The following SMYD3 variants were observed in gnomAD, a reference collection of about 807,000 sequenced individuals.
The protein encoded by SMYD3 is histone-lysine N-methyltransferase SMYD3.
Under a neutral mutation model 57.7 loss-of-function variants are expected in SMYD3, and 36 were observed. That is an observed-to-expected ratio of 0.62 (90% confidence interval 0.48 to 0.82). SMYD3 has a LOEUF of 0.82. Among genes scored for constraint, SMYD3 ranks in the 40% least tolerant of loss-of-function variants. SMYD3 has a pLI of 0.00. For missense variants in SMYD3, 515 were observed against 538.8 expected, an observed-to-expected ratio of 0.96 and a Z score of 0.44; for synonymous variants, 211 against 195.0, an observed-to-expected ratio of 1.08 and a Z score of -0.68.
intron 5 of SMYD3, among the ~76,000 whole-genome samples, chr1:246,190,807 C>T (rs1040930907): frequency 1.3e-5 from 2 of 151,852 alleles, no homozygotes; most frequent in Non-Finnish European, 2.9e-5. Flanking sequence ...TTTTCCCTCC[C>T]GACTTCTATT....
rs911913429 is a variant in SMYD3, at chr1:246,480,790, A to G, written c.164+26264T>C. 3.9e-5 allele frequency among the ~76,000 whole-genome samples: 6 copies of G among 152,046 alleles called. No individual in the cohort carries two copies. In the South Asian group the frequency reaches 1.0e-3, roughly 26 times the overall value. ...AATTATCCAAGTTACCTTTTTTCAA[A>G]AGATCTTTTTTTTTTCTTTTTTGAG... On this transcript the variant is annotated intron_variant, in intron 1 of 11. Transcript: ENST00000490107.
At chr1:246,151,831 T>C (rs376347180) in intron 5 of SMYD3, among the ~76,000 whole-genome samples, 2 of 152,330 alleles carry the variant, frequency 1.3e-5, no homozygotes, top group Non-Finnish European at 2.9e-5. Flanking sequence ...CTAGGCCTGC[T>C]TTCCAGTGAC....
At chr1:246,081,302 C>A (rs1220131378) in intron 5 of SMYD3, among the ~76,000 whole-genome samples, 1 of 152,202 alleles carries the variant, frequency 6.6e-6, no homozygotes, top group Non-Finnish European at 1.5e-5. Flanking sequence ...ATAGAAGCTT[C>A]AAAAGGAGAC....
At chr1:245,954,597 GC>G (rs1344920839) in intron 5 of SMYD3, among the ~76,000 whole-genome samples, 2 of 152,112 alleles carry the variant, frequency 1.3e-5, no homozygotes, top group Admixed American at 6.5e-5. Context: ...GCTCGCTTGA[GC>G]CCCCAGGAAG....
chr1:246,230,345 GAAA>G, intron 5 of SMYD3, among the ~76,000 whole-genome samples: 1 of 97,022 alleles, frequency 1.0e-5, no homozygotes, highest in Admixed American at 1.2e-4. Flanking sequence ...TCGCTCACCA[GAAA>G]GATTTAGTTT....
intron 5 of SMYD3, among the ~76,000 whole-genome samples, chr1:246,113,184 AAAATAAATAAATAAAT>A (rs61169442): frequency 6.9e-4 from 101 of 145,522 alleles, no homozygotes; most frequent in Admixed American, 1.9e-3. Context: ...TCTGTCTCAA[AAAATAAATAAATAAAT>A]AAATAAATAA....
chr1:246,033,661 C>T (rs2059718286), intron 5 of SMYD3, among the ~76,000 whole-genome samples: 1 of 152,130 alleles, frequency 6.6e-6, no homozygotes, highest in Non-Finnish European at 1.5e-5. Context: ...GTGGCGCGTG[C>T]CTGTAATCTC....
chr1:246,240,185 T>C (rs1395700757), intron 5 of SMYD3, among the ~76,000 whole-genome samples: 1 of 152,222 alleles, frequency 6.6e-6, no homozygotes, highest in African/African-American at 2.4e-5. Flanking sequence ...TCCTGAATGG[T>C]ATTGCCTAGG....
intron 8 of SMYD3, among the ~76,000 whole-genome samples, chr1:245,877,392 G>A (rs997634792): frequency 2.0e-5 from 3 of 152,236 alleles, no homozygotes; most frequent in African/African-American, 7.2e-5. Flanking sequence ...ATTTGATCCT[G>A]CATGGGCAAC....
At chr1:246,046,657 TA>T (rs1181793033) in intron 5 of SMYD3, among the ~76,000 whole-genome samples, 2 of 147,498 alleles carry the variant, frequency 1.4e-5, no homozygotes, top group East Asian at 3.9e-4. Flanking sequence ...ATATATTTTA[TA>T]TATTTTTTTA....
At chr1:246,180,153 A>C (rs1377383381) in intron 5 of SMYD3, among the ~76,000 whole-genome samples, 1 of 150,008 alleles carries the variant, frequency 6.7e-6, no homozygotes, top group Non-Finnish European at 1.5e-5. Context: ...AATATATCTA[A>C]TATAGATATA....
At chr1:246,469,899 T>C (rs1181524873) in intron 1 of SMYD3, among the ~76,000 whole-genome samples, 1 of 152,192 alleles carries the variant, frequency 6.6e-6, no homozygotes, top group Non-Finnish European at 1.5e-5. Context: ...AACCAAGTGA[T>C]TAAAACTTCA....
chr1:246,301,264 C>A (rs2064888145), intron 5 of SMYD3, among the ~76,000 whole-genome samples: 1 of 152,118 alleles, frequency 6.6e-6, no homozygotes, highest in African/African-American at 2.4e-5. Flanking sequence ...CACCATTCGA[C>A]AGATTCAAAT....
chr1:245,956,881 T>C (rs1275328199), intron 5 of SMYD3, among the ~76,000 whole-genome samples: 2 of 152,278 alleles, frequency 1.3e-5, no homozygotes, highest in South Asian at 2.1e-4. Context: ...CTTAAGGCAG[T>C]TGATCCACCC....
intron 5 of SMYD3, among the ~76,000 whole-genome samples, chr1:246,080,268 A>G (rs909925585): frequency 1.3e-5 from 2 of 152,026 alleles, no homozygotes; most frequent in Non-Finnish European, 2.9e-5. Flanking sequence ...AGCTCAGAGC[A>G]GTGGCAGCAC....
intron 10 of SMYD3, among the ~76,000 whole-genome samples, chr1:245,773,147 AAAAC>A (rs1346492976): frequency 3.3e-5 from 5 of 152,034 alleles, no homozygotes; most frequent in African/African-American, 7.2e-5. Flanking sequence ...TCCACAGCCA[AAAAC>A]AAACAAACAA....
intron 8 of SMYD3, among the ~76,000 whole-genome samples, chr1:245,885,803 T>C (rs945795947): frequency 6.6e-6 from 1 of 152,182 alleles, no homozygotes; most frequent in African/African-American, 2.4e-5. Context: ...CCACAATTTT[T>C]ACAATGATTT....
chr1:245,768,177 A>G (rs1239389471), intron 10 of SMYD3, among the ~76,000 whole-genome samples: 1 of 152,244 alleles, frequency 6.6e-6, no homozygotes, highest in Non-Finnish European at 1.5e-5. Context: ...TCACAGGTAT[A>G]ATGCTAGCAA....
intron 5 of SMYD3, among the ~76,000 whole-genome samples, chr1:246,150,618 T>C (rs1467004513): frequency 6.6e-6 from 1 of 152,216 alleles, no homozygotes; most frequent in Non-Finnish European, 1.5e-5. Context: ...ATGGAAAAAC[T>C]GGGACCCAAA....
Sources: allele counts gnomAD v4.1 joint callset (sites outside exome capture counted in the v4.1 genomes callset), GRCh38; gene constraint gnomAD v4.1.1; transcripts MANE v1.5; gene names NCBI Gene and HGNC (gene_info 2026-07-23, HGNC 2026-07-21).